The following ATIC variants were observed in gnomAD, a reference collection of about 807,000 sequenced individuals.
ATIC encodes 5-aminoimidazole-4-carboxamide ribonucleotide formyltransferase/IMP cyclohydrolase.
ATIC carries 64 observed loss-of-function variants against 72.5 expected under a neutral mutation model. The observed-to-expected ratio is 0.88, with a 90% CI of 0.72 to 1.09. The LOEUF (loss-of-function observed/expected upper bound fraction) is 1.09. ATIC is among the 50% of genes least tolerant of loss of function. The pLI is 0.00. For missense variants in ATIC, 787 were observed against 732.4 expected (o/e 1.07, Z -0.86); for synonymous variants, 281 against 267.1 (o/e 1.05, Z -0.51).
rs2052667711 is a variant in ATIC at position 215,312,728 on chromosome 2, A to G, written c.146+104A>G. On this transcript the variant is annotated intron_variant, in intron 2 of 15. Transcript: ENST00000236959. ...AAACGCCTTATTTACTCCTCCCAGT[A>G]GCGCTGTGAGGTTGGTGTAATACTT... 23 of 1,527,164 alleles carry G rather than the reference A, an allele frequency of 1.5e-5. No individual in the cohort carries two copies. In the South Asian group the frequency reaches 2.0e-4, roughly 13 times the overall value. The allele number at this position is 1,527,164 out of a possible 1,614,324, so 94.6% of individuals were successfully genotyped here. A position where few individuals can be genotyped will look rare whatever the true frequency, so the allele number is the denominator to read the frequency against.
chr2:215,324,697 T>A (rs896604713), intron 4 of ATIC, among the ~76,000 whole-genome samples: 4 of 152,216 alleles, frequency 2.6e-5, no homozygotes, highest in African/African-American at 9.7e-5. Flanking sequence ...TTAGATTACT[T>A]CTGTATTTTA....
At chr2:215,368,498 T>C in the ATIC span, among the ~76,000 whole-genome samples, 1 of 152,248 alleles carries the variant, frequency 6.6e-6, no homozygotes, top group South Asian at 2.1e-4. Context: ...GAAGATTATA[T>C]AAGGCCATGA....
At chr2:215,344,938 C>A in intron 13 of ATIC, 67 bp downstream of exon 13, 1 of 1,483,576 alleles carries the variant, frequency 6.7e-7, no homozygotes. Context: ...AAACATCCGT[C>A]TGCCTTAGAT....
At chr2:215,322,329 C>CTTTT (rs762086501) in intron 4 of ATIC, among the ~76,000 whole-genome samples, 17 of 137,282 alleles carry the variant, frequency 1.2e-4, no homozygotes, top group Admixed American at 2.9e-4. Flanking sequence ...TATTTTCTTT[C>CTTTT]TTTTTTTTTT....
At chr2:215,351,588 A>G (rs140339098), downstream of ATIC, among the ~76,000 whole-genome samples, 7 of 152,308 alleles carry the variant, frequency 4.6e-5, no homozygotes, top group African/African-American at 1.4e-4. Context: ...CATCTCTAAA[A>G]AAAGAGAAAA....
At chr2:215,348,047 G>C (rs1410413249) in intron 14 of ATIC, among the ~76,000 whole-genome samples, 1 of 152,066 alleles carries the variant, frequency 6.6e-6, no homozygotes, top group African/African-American at 2.4e-5. Flanking sequence ...TTCACAGAAG[G>C]GGCATACTTC....
chr2:215,357,065 A>G, the ATIC span, among the ~76,000 whole-genome samples: 1 of 152,226 alleles, frequency 6.6e-6, no homozygotes, highest in African/African-American at 2.4e-5. Flanking sequence ...TGAGGGTTCC[A>G]GTTGCTCCAC....
chr2:215,331,267 A>G (rs925062336), intron 7 of ATIC, among the ~76,000 whole-genome samples: 3 of 152,078 alleles, frequency 2.0e-5, no homozygotes, highest in African/African-American at 7.2e-5. Flanking sequence ...TGTATCCTGA[A>G]TACCTAGAAC....
downstream of ATIC, among the ~76,000 whole-genome samples, chr2:215,352,721 TA>T (rs1244237645): frequency 6.6e-6 from 1 of 151,030 alleles, no homozygotes; most frequent in Non-Finnish European, 1.5e-5. Flanking sequence ...TCCCAATGGC[TA>T]ATTTTTTTTT....
chr2:215,326,953 A>G lies in ATIC; in HGVS notation c.663A>G (p.Thr221=). Residue 221 remains threonine (T), a synonymous_variant, in exon 7 of 16, where the codon ACA becomes ACG. Transcript: ENST00000236959. ...ATCAGACCCCTGCCCAGCTGTACAC[A>G]CTGCAGCCCAAGCTTCCCATCACAG... The part of the protein sequence containing the change: ...NPHQTPAQLY[T]LQPKLPITVL... 1 of 1,614,124 alleles carries G rather than the reference A, an allele frequency of 6.2e-7. No individual in the cohort carries two copies. Among genetic ancestry groups the G allele is most frequent in the Non-Finnish European group, 8.5e-7 (1 of 1,180,038 alleles).
At chr2:215,344,324 C>T (rs2053049832) in intron 12 of ATIC, among the ~76,000 whole-genome samples, 1 of 152,116 alleles carries the variant, frequency 6.6e-6, no homozygotes, top group South Asian at 2.1e-4. Flanking sequence ...TGTAGGAGAA[C>T]AGTTAATTTC....
chr2:215,358,037 G>A, the ATIC span, among the ~76,000 whole-genome samples: 5 of 152,042 alleles, frequency 3.3e-5, no homozygotes, highest in African/African-American at 7.2e-5. Flanking sequence ...TGGAATAGAA[G>A]TTTCAATGGA....
chr2:215,354,029 A>C (rs1395255857), downstream of ATIC, among the ~76,000 whole-genome samples: 1 of 151,126 alleles, frequency 6.6e-6, no homozygotes, highest in Non-Finnish European at 1.5e-5. Flanking sequence ...TTGTCAGGAA[A>C]CTTTTTTTTT....
the ATIC span, among the ~76,000 whole-genome samples, chr2:215,363,813 CTTA>C: frequency 2.6e-5 from 4 of 152,106 alleles, no homozygotes; most frequent in South Asian, 2.1e-4. Context: ...TAGAGAAAGG[CTTA>C]TTATTTTTTG....
At chr2:215,337,435 T>C (rs1183014572) in intron 11 of ATIC, among the ~76,000 whole-genome samples, 1 of 152,148 alleles carries the variant, frequency 6.6e-6, no homozygotes, top group Non-Finnish European at 1.5e-5. Context: ...GGTGTGATCT[T>C]GGCTCACTGC....
In ATIC at chr2:215,333,400, G is replaced by A; in HGVS notation, c.865G>A (p.Val289Ile). ...LSEDEAKVCMVYDLYKTLTPI... is the reference protein window; with the variant it reads ...LSEDEAKVCMIYDLYKTLTPI... ...TGAAGATGAGGCCAAAGTCTGCATG[G>A]TTTATGATCTCTATAAAACCCTCAC... The change falls in exon 9 of 16, where the codon GTT becomes ATT. Residue 289 changes from valine (V) to isoleucine (I), a missense_variant. Transcript: ENST00000236959. The A allele has an allele frequency of 6.2e-7, 1 of 1,614,038 alleles. No homozygotes were observed. Among genetic ancestry groups the A allele is most frequent in the Non-Finnish European group, 8.5e-7 (1 of 1,180,010 alleles).
At chr2:215,359,727 G>T in the ATIC span, among the ~76,000 whole-genome samples, 5 of 141,838 alleles carry the variant, frequency 3.5e-5, no homozygotes, top group African/African-American at 1.2e-4. Flanking sequence ...ATTCAAATGG[G>T]AGTTAGTATT....
At chr2:215,366,383 A>G in the ATIC span, among the ~76,000 whole-genome samples, 1 of 152,210 alleles carries the variant, frequency 6.6e-6, no homozygotes, top group Non-Finnish European at 1.5e-5. Flanking sequence ...TCAATTAACC[A>G]TAAAACAAGG....
rs2052918372 is a variant in ATIC at position 215,333,473 on chromosome 2, C to G, written c.922+16C>G. ...AGAGCAAGAGGTCAGACTCATAGGG[C>G]TTTTTGATTTGGGGGAGAAAGAAAA... On this transcript the variant is annotated intron_variant, in intron 9 of 15. Coordinates refer to ENST00000236959, the MANE Select transcript of ATIC (RefSeq NM_004044.7). The G allele has an allele frequency of 6.2e-7, 1 of 1,603,400 alleles. No individual in the cohort carries two copies. Among genetic ancestry groups the G allele is most frequent in the Non-Finnish European group, 8.5e-7 (1 of 1,171,164 alleles).
Sources: allele counts gnomAD v4.1 joint callset (sites outside exome capture counted in the v4.1 genomes callset), GRCh38; gene constraint gnomAD v4.1.1; transcripts MANE v1.5; gene names NCBI Gene and HGNC (gene_info 2026-07-23, HGNC 2026-07-21).